The following OXR1 variants were observed in gnomAD, a reference collection of about 807,000 sequenced individuals.
OXR1 encodes oxidation resistance protein 1.
A neutral mutation model predicts 104.6 loss-of-function variants in OXR1; 41 were observed. The observed-to-expected ratio is 0.39, with a 90% CI of 0.31 to 0.51. The LOEUF (loss-of-function observed/expected upper bound fraction) is 0.51, where lower values mean the gene tolerates loss of function less well. Ranked by LOEUF, OXR1 falls within the 20% of genes least tolerant of loss-of-function variation. OXR1 has a pLI of 0.77. For synonymous variants in OXR1, 348 were observed against 348.4 expected, an observed-to-expected ratio of 1.00 and a Z score of 0.01; for missense variants, 955 against 1,031.9, an observed-to-expected ratio of 0.93 and a Z score of 1.02.
chr8:106,697,432 T>C (rs890878379), intron 7 of OXR1: 2 of 1,516,978 alleles, frequency 1.3e-6, no homozygotes, highest in Non-Finnish European at 1.8e-6. Context: ...GATCAAAGGA[T>C]CTGGTGTGGC....
chr8:106,340,544 A>T (rs560703512), intron 1 of OXR1, among the ~76,000 whole-genome samples: 205 of 152,282 alleles, frequency 1.3e-3, no homozygotes, highest in African/African-American at 4.1e-3. Flanking sequence ...AGCCCCTTAC[A>T]TACTTGCTGT....
chr8:106,343,241 TC>T (rs1815329401), intron 1 of OXR1, among the ~76,000 whole-genome samples: 1 of 152,206 alleles, frequency 6.6e-6, no homozygotes, highest in South Asian at 2.1e-4. Flanking sequence ...TCAAGTTTCT[TC>T]CCTACTCAAA....
chr8:106,571,185 G>A (rs770314939), intron 3 of OXR1, among the ~76,000 whole-genome samples: 42 of 151,918 alleles, frequency 2.8e-4, no homozygotes, highest in Admixed American at 5.9e-4. Context: ...GTTAGTTCGG[G>A]CTGCTGTAAC....
intron 1 of OXR1, among the ~76,000 whole-genome samples, chr8:106,315,019 T>C (rs908337089): frequency 2.6e-5 from 4 of 151,976 alleles, no homozygotes; most frequent in Non-Finnish European, 5.9e-5. Context: ...CATGTGGAAG[T>C]ATATTTTATC....
intron 1 of OXR1, among the ~76,000 whole-genome samples, chr8:106,315,766 A>G (rs949779922): frequency 6.6e-6 from 1 of 152,192 alleles, no homozygotes; most frequent in Non-Finnish European, 1.5e-5. Flanking sequence ...TGGGTAGAGA[A>G]AAGACTCGGA....
intron 3 of OXR1, among the ~76,000 whole-genome samples, chr8:106,562,071 A>T (rs1353245067): frequency 6.6e-6 from 1 of 152,190 alleles, no homozygotes; most frequent in East Asian, 1.9e-4. Context: ...CTTCTTCTCC[A>T]AAGGATCACA....
At chr8:106,302,900 C>T (rs1177972601) in intron 1 of OXR1, among the ~76,000 whole-genome samples, 1 of 151,476 alleles carries the variant, frequency 6.6e-6, no homozygotes, top group African/African-American at 2.4e-5. Context: ...TACAGGCGCC[C>T]GCCACCAGGC....
chr8:106,302,108 AAAGAGT>A (rs1386916152), intron 1 of OXR1, among the ~76,000 whole-genome samples: 1 of 152,306 alleles, frequency 6.6e-6, no homozygotes, highest in East Asian at 1.9e-4. Context: ...CTAACTTTAT[AAAGAGT>A]TCATGGCCAT....
intron 11 of OXR1, 43 bp downstream of exon 11, chr8:106,714,028 G>C (rs1373362308): frequency 1.4e-6 from 2 of 1,446,300 alleles, no homozygotes; most frequent in Non-Finnish European, 1.9e-6. Context: ...TTTTTAGTTT[G>C]TATGAATTTA....
intron 11 of OXR1, among the ~76,000 whole-genome samples, chr8:106,730,237 T>C (rs914588366): frequency 1.3e-5 from 2 of 152,192 alleles, no homozygotes; most frequent in Non-Finnish European, 2.9e-5. Flanking sequence ...AATATTGATA[T>C]ATTGTCATGC....
intron 1 of OXR1, among the ~76,000 whole-genome samples, chr8:106,271,302 T>A (rs1341963616): frequency 6.6e-6 from 1 of 152,066 alleles, no homozygotes; most frequent in Non-Finnish European, 1.5e-5. Flanking sequence ...TTTAGGAGAT[T>A]TAAATAGACA....
chr8:106,378,256 C>T (rs147293229), intron 2 of OXR1, among the ~76,000 whole-genome samples: 78 of 152,260 alleles, frequency 5.1e-4, no homozygotes, highest in Non-Finnish European at 9.3e-4. Context: ...CAGTGAAACT[C>T]GCAGCATTGC....
chr8:106,372,080 G>A (rs1422200513), intron 2 of OXR1, among the ~76,000 whole-genome samples: 1 of 152,192 alleles, frequency 6.6e-6, no homozygotes, highest in African/African-American at 2.4e-5. Context: ...AGCAGGCTTA[G>A]GCAGATTCCA....
intron 3 of OXR1, among the ~76,000 whole-genome samples, chr8:106,611,934 A>G (rs1820842415): frequency 9.6e-6 from 1 of 104,272 alleles, no homozygotes; most frequent in Admixed American, 8.5e-5. Context: ...GTAAAAACAC[A>G]TAAAAACAAA....
chr8:106,623,911 A>T (rs906172276), intron 3 of OXR1, among the ~76,000 whole-genome samples: 7 of 152,190 alleles, frequency 4.6e-5, no homozygotes, highest in Non-Finnish European at 7.4e-5. Flanking sequence ...AGACTACCTC[A>T]ATCTATTCCT....
chr8:106,679,169 A>G (rs1214053730), intron 3 of OXR1, 41 bp from the exon 4 acceptor site: 1 of 1,233,166 alleles, frequency 8.1e-7, no homozygotes, highest in Admixed American at 1.8e-5. Context: ...TTACTCTGAA[A>G]GAAAGATGAA....
At chr8:106,737,943 G>A (rs1834552757) in intron 12 of OXR1, among the ~76,000 whole-genome samples, 1 of 152,112 alleles carries the variant, frequency 6.6e-6, no homozygotes, top group East Asian at 1.9e-4. Flanking sequence ...GAAAGATATG[G>A]TACTATAGGA....
chr8:106,380,737 T>C (rs7839683), intron 2 of OXR1, among the ~76,000 whole-genome samples: 52,562 of 152,078 alleles, frequency 0.35, 14,361 homozygotes, highest in African/African-American at 0.77. Flanking sequence ...AGCATTTTTC[T>C]TATGCTTATC....
intron 2 of OXR1, among the ~76,000 whole-genome samples, chr8:106,424,486 C>A (rs73307147): frequency 0.01 from 1,549 of 152,140 alleles, 27 homozygotes; most frequent in African/African-American, 0.035. Flanking sequence ...TAAGTGGGAG[C>A]AAAACTTCCA....
Sources: allele counts gnomAD v4.1 joint callset (sites outside exome capture counted in the v4.1 genomes callset), GRCh38; gene constraint gnomAD v4.1.1; transcripts MANE v1.5; gene names NCBI Gene and HGNC (gene_info 2026-07-23, HGNC 2026-07-21).